Variants in REEP3 observed in about 807,000 individuals in gnomAD.
REEP3 encodes the protein receptor expression-enhancing protein 3.
Under a neutral mutation model 41.3 loss-of-function variants are expected in REEP3, and 20 were observed. The observed-to-expected ratio is 0.48, with a 90% CI of 0.34 to 0.70. The LOEUF is 0.70. REEP3 is among the 30% of genes least tolerant of loss of function. The pLI is 0.01. For synonymous variants in REEP3, 104 were observed against 101.8 expected (o/e 1.02, Z -0.13); for missense variants, 271 against 308.8 (o/e 0.88, Z 0.92).
chr10:63,568,057 A>G (rs1320414248), intron 2 of REEP3, among the ~76,000 whole-genome samples: 1 of 152,174 alleles, frequency 6.6e-6, no homozygotes, highest in African/African-American at 2.4e-5. Context: ...AGATGGAACC[A>G]TATTAAGTCC....
At chr10:63,572,077 G>A (rs755099321) in intron 2 of REEP3, among the ~76,000 whole-genome samples, 7 of 152,142 alleles carry the variant, frequency 4.6e-5, no homozygotes, top group African/African-American at 1.4e-4. Context: ...TTACCAGGGC[G>A]GGACCCACCA....
chr10:63,574,847 C>CTTTTT (rs56001048), intron 2 of REEP3, among the ~76,000 whole-genome samples: 4 of 58,890 alleles, frequency 6.8e-5, no homozygotes, highest in African/African-American at 6.3e-5. Flanking sequence ...AGGTCAATTT[C>CTTTTT]TTTTTTTTTT....
chr10:63,560,144 A>C (rs1490807760), intron 1 of REEP3, among the ~76,000 whole-genome samples: 1 of 152,130 alleles, frequency 6.6e-6, no homozygotes, highest in African/African-American at 2.4e-5. Context: ...AATTCTTAAA[A>C]CTAGGTAATA....
intron 1 of REEP3, among the ~76,000 whole-genome samples, chr10:63,549,954 G>GC (rs1256611875): frequency 3.3e-5 from 5 of 152,332 alleles, no homozygotes; most frequent in South Asian, 2.1e-4. Flanking sequence ...ATGTTCTGAT[G>GC]CACTCCCACA....
chr10:63,522,663 G>A (rs1208148213), intron 1 of REEP3, among the ~76,000 whole-genome samples: 3 of 152,144 alleles, frequency 2.0e-5, no homozygotes, highest in East Asian at 1.9e-4. Context: ...CAGACTTTTT[G>A]TTAAAAGGAG....
intron 5 of REEP3, chr10:63,606,212 T>A: frequency 2.8e-6 from 1 of 357,810 alleles, no homozygotes; most frequent in Non-Finnish European, 3.5e-6. Flanking sequence ...CTTTCCTCTT[T>A]ATTGACTAAG....
Position 63,594,837 on chromosome 10 carries a change from C to T in REEP3, c.165C>T (p.Ala55=), listed in dbSNP as rs61742352. 1.6e-4 allele frequency: 250 copies of T among 1,609,824 alleles called. No homozygotes were observed. The African/African-American group carries it at 2.4e-3, about 15-fold the overall frequency. The change falls in exon 3 of 8, where the codon GCC becomes GCT. Residue 55 remains alanine (A), a synonymous_variant. Coordinates refer to ENST00000373758, the MANE Select transcript of REEP3 (RefSeq NM_001001330.3). ...TCTATACTGTGATTGAAACAGTAGC[C>T]GATCAAACAGTTGCTTGGTAAGTTT... The part of the protein sequence containing the change: ...FALYTVIETV[A]DQTVAWFPLY...
intron 2 of REEP3, among the ~76,000 whole-genome samples, chr10:63,582,873 C>T (rs1485961115): frequency 1.2e-4 from 19 of 152,202 alleles, no homozygotes; most frequent in Non-Finnish European, 1.3e-4. Context: ...CTCCCACTCA[C>T]CTAAATGTGA....
At chr10:63,543,481 T>C (rs1456157941) in intron 1 of REEP3, among the ~76,000 whole-genome samples, 2 of 135,380 alleles carry the variant, frequency 1.5e-5, no homozygotes, top group African/African-American at 5.5e-5. Flanking sequence ...TTTTTTTTTT[T>C]AGAGACAAGG....
intron 1 of REEP3, among the ~76,000 whole-genome samples, chr10:63,530,217 T>A (rs947195837): frequency 1.3e-5 from 2 of 152,204 alleles, no homozygotes; most frequent in Non-Finnish European, 2.9e-5. Context: ...TTGAAGGCAG[T>A]CACAATTATA....
In REEP3 at chr10:63,610,886, T is replaced by C. The variant is rs548657831; in HGVS notation, c.565+552T>C. 1.3e-4 allele frequency among the ~76,000 whole-genome samples: 20 copies of C among 152,132 alleles called. 1 individual carries two copies. The South Asian group carries it at 4.1e-3, about 32-fold the overall frequency. On this transcript the variant is annotated intron_variant, in intron 6 of 7. Transcript: ENST00000373758. ...GAGTTCACGACCAGCCTGGCTAACA[T>C]GGTGAAACTCCGTCTCTACTAACAA... is the stretch of plus-strand genomic sequence containing the variant.
rs1197889378 is a variant in REEP3, at chr10:63,619,684, G to A, written c.595G>A (p.Glu199Lys). Residue 199 changes from glutamate to lysine, a missense_variant, in exon 7 of 8, where the codon GAG becomes AAG. Physicochemically the swap from Glu to Lys is moderately conservative, Grantham distance 56. Coordinates refer to ENST00000373758, the MANE Select transcript of REEP3 (RefSeq NM_001001330.3). ...TGGAATTCCACTGAAAGACGGAGATGAGAAAACAGATGAAGAAGCAGAGGG... is the reference window on the plus strand; with the variant it reads ...TGGAATTCCACTGAAAGACGGAGATAAGAAAACAGATGAAGAAGCAGAGGG... ...GYGIPLKDGD[E>K]KTDEEAEGPY... 1.2e-6 allele frequency: 2 copies of A among 1,604,336 alleles called. No homozygotes were observed. Among genetic ancestry groups the A allele is most frequent in the Non-Finnish European group, 1.7e-6 (2 of 1,175,264 alleles).
At chr10:63,563,746 C>T (rs1355472362) in intron 1 of REEP3, among the ~76,000 whole-genome samples, 3 of 151,908 alleles carry the variant, frequency 2.0e-5, no homozygotes, top group South Asian at 4.1e-4. Context: ...CTGACAAAGT[C>T]CTACTTCAGC....
At chr10:63,614,255 G>T (rs1359405596) in intron 6 of REEP3, among the ~76,000 whole-genome samples, 2 of 152,206 alleles carry the variant, frequency 1.3e-5, no homozygotes, top group African/African-American at 4.8e-5. Context: ...AGTGCTCTGT[G>T]TTGGGAACTG....
At position 63,624,961 on chromosome 10, in the gene REEP3, CTA is replaced by C; in HGVS notation, c.*4094_*4095del. 6.6e-6 allele frequency: 1 copy of C among 152,012 alleles called. No homozygotes were observed. The highest frequency in any genetic ancestry group is 1.9e-4 in the East Asian group (1 of 5,200). The allele number at this position is 152,012 out of a possible 1,614,324, so 9.4% of individuals were successfully genotyped here. On this transcript the variant is annotated 3_prime_UTR_variant, in exon 8 of 8. Transcript: ENST00000373758. ...CACATTTAAGCTTTAGAGAGAAATCCTATGTTTTAAGAAGTTTCTTTGTGTTA... is the reference window on the plus strand; with the variant it reads ...CACATTTAAGCTTTAGAGAGAAATCCTGTTTTAAGAAGTTTCTTTGTGTTA...
At chr10:63,548,763 C>T (rs989354331) in intron 1 of REEP3, among the ~76,000 whole-genome samples, 1 of 152,092 alleles carries the variant, frequency 6.6e-6, no homozygotes, top group East Asian at 1.9e-4. Flanking sequence ...TATTTAATTA[C>T]GCTTTCTCAA....
chr10:63,596,184 G>A (rs909764945), intron 3 of REEP3, among the ~76,000 whole-genome samples: 3 of 152,072 alleles, frequency 2.0e-5, no homozygotes, highest in Admixed American at 6.5e-5. Context: ...CACTGTATCT[G>A]TCTTCTGATT....
intron 1 of REEP3, among the ~76,000 whole-genome samples, chr10:63,531,763 C>T (rs1955422920): frequency 6.6e-6 from 1 of 152,048 alleles, no homozygotes; most frequent in African/African-American, 2.4e-5. Context: ...AATGGCTGTG[C>T]TATTTTCTAT....
intron 6 of REEP3, among the ~76,000 whole-genome samples, chr10:63,615,960 C>G (rs796148815): frequency 6.6e-5 from 10 of 152,200 alleles, no homozygotes; most frequent in African/African-American, 2.2e-4. Flanking sequence ...TCCCCACTTA[C>G]GCTCCCTTCC....
Sources: gnomAD v4.1 joint callset for allele counts (sites outside exome capture counted in the v4.1 genomes callset) on GRCh38, gnomAD v4.1.1 for gene constraint, MANE v1.5 for transcripts, NCBI Gene and HGNC (gene_info 2026-07-23, HGNC 2026-07-21) for gene names.